Variants in NMBR observed in about 807,000 individuals in gnomAD.
NMBR encodes neuromedin B receptor, also known as neuromedin-B receptor.
NMBR carries 16 observed loss-of-function variants against 20.5 expected under a neutral mutation model. The ratio of observed to expected loss-of-function variants is 0.78; its 90% CI spans 0.53 to 1.19. NMBR has a LOEUF of 1.19. NMBR is among the 50% of genes most tolerant of loss of function. NMBR has a pLI of 0.00. For missense variants in NMBR, 582 were observed against 499.1 expected, an observed-to-expected ratio of 1.17 and a Z score of -1.58; for synonymous variants, 212 against 196.6, an observed-to-expected ratio of 1.08 and a Z score of -0.65.
At chr6:142,076,165 CATAA>C in intron 3 of NMBR, 116 bp from the exon 4 acceptor site, 3 of 730,116 alleles carry the variant, frequency 4.1e-6, no homozygotes, top group Non-Finnish European at 6.6e-6. Context: ...ATCCAAAATA[CATAA>C]ATTATTTATT....
rs367637574 is a variant in NMBR at position 142,103,392 on chromosome 6, G to A, written c.-663-14071C>T. ...TTATAAATGTTTAAATGGCCCATCA[G>A]GTAGCAGAAATGTACATAAAGTTTT... On this transcript the variant is annotated intron_variant, in intron 1 of 3. Transcript: ENST00000258042. Among the ~76,000 whole-genome samples the A allele has an allele frequency of 4.9e-4, 75 of 152,236 alleles. No individual in the cohort carries two copies. In the East Asian group the frequency reaches 0.012, roughly 25 times the overall value.
chr6:142,136,328 C>G (rs767767933), intron 1 of NMBR, among the ~76,000 whole-genome samples: 35 of 152,096 alleles, frequency 2.3e-4, no homozygotes, highest in Non-Finnish European at 4.7e-4. Context: ...CCTTTGCCCA[C>G]TTTTTGATGG....
At chr6:142,130,789 C>T (rs1361951919) in intron 1 of NMBR, among the ~76,000 whole-genome samples, 1 of 151,930 alleles carries the variant, frequency 6.6e-6, no homozygotes, top group African/African-American at 2.4e-5. Context: ...AAGACACTTT[C>T]GGCCAAGAAC....
At chr6:142,101,160 T>C (rs765343098) in intron 1 of NMBR, among the ~76,000 whole-genome samples, 4 of 152,330 alleles carry the variant, frequency 2.6e-5, no homozygotes, top group Non-Finnish European at 4.4e-5. Context: ...GATCAGCATT[T>C]GCCTTATTTG....
chr6:142,094,188 C>T (rs1190375636), intron 1 of NMBR, among the ~76,000 whole-genome samples: 3 of 151,900 alleles, frequency 2.0e-5, no homozygotes, highest in Non-Finnish European at 4.4e-5. Flanking sequence ...GCTTTTGTTG[C>T]CATTGCTTTT....
At chr6:142,079,197 GGGAA>G (rs753320241) in intron 2 of NMBR, among the ~76,000 whole-genome samples, 76 of 151,574 alleles carry the variant, frequency 5.0e-4, no homozygotes, top group African/African-American at 9.7e-4. Context: ...GAAAAGAAAA[GGGAA>G]GGAAGGAAGG....
chr6:142,088,710 G>C lies in NMBR; in HGVS notation c.-52C>G. The C allele has an allele frequency of 1.3e-6, 2 of 1,512,566 alleles. No homozygotes were observed. The highest frequency in any genetic ancestry group is 1.2e-5 in the South Asian group (1 of 83,460). 93.7% of individuals were successfully genotyped at this position (1,512,566 alleles called of 1,614,324 possible). On this transcript the variant is annotated 5_prime_UTR_variant, in exon 2 of 4. Transcript: ENST00000258042. Reference sequence around the variant, plus strand: ...GAGTTTTCACGCGCTCCGGTGCCCTGAGGACTGAACGCCCACGATTTAGGT... The same window carrying C: ...GAGTTTTCACGCGCTCCGGTGCCCTCAGGACTGAACGCCCACGATTTAGGT...
At chr6:142,127,549 G>C (rs1250266932) in intron 1 of NMBR, among the ~76,000 whole-genome samples, 1 of 151,860 alleles carries the variant, frequency 6.6e-6, no homozygotes, top group African/African-American at 2.4e-5. Flanking sequence ...TTTCAGTAGG[G>C]ATTGCATTGA....
intron 1 of NMBR, among the ~76,000 whole-genome samples, chr6:142,091,370 T>C (rs1345986554): frequency 6.6e-6 from 1 of 152,118 alleles, no homozygotes; most frequent in Non-Finnish European, 1.5e-5. Context: ...ACCGCAAGTG[T>C]GCCCCACCAT....
At chr6:142,142,641 A>G (rs759870639) in intron 1 of NMBR, among the ~76,000 whole-genome samples, 2 of 151,956 alleles carry the variant, frequency 1.3e-5, no homozygotes, top group Non-Finnish European at 2.9e-5. Context: ...CTGGAATTCA[A>G]TAAGACAAAA....
At chr6:142,140,388 C>G (rs1778345426) in intron 1 of NMBR, among the ~76,000 whole-genome samples, 1 of 151,682 alleles carries the variant, frequency 6.6e-6, no homozygotes, top group South Asian at 2.1e-4. Flanking sequence ...AAATATAAAA[C>G]AACCAGTTTA....
chr6:142,136,052 G>A (rs1248141351), intron 1 of NMBR, among the ~76,000 whole-genome samples: 6 of 152,110 alleles, frequency 3.9e-5, no homozygotes, highest in South Asian at 2.1e-4. Flanking sequence ...CTAGTTCTAG[G>A]TCCCTGAGGA....
chr6:142,091,552 T>A (rs1053742415), intron 1 of NMBR, among the ~76,000 whole-genome samples: 12 of 152,192 alleles, frequency 7.9e-5, no homozygotes, highest in African/African-American at 2.4e-4. Flanking sequence ...GTATTCAATA[T>A]GTCATATACC....
chr6:142,097,085 T>G (rs1044939233), intron 1 of NMBR, among the ~76,000 whole-genome samples: 3 of 152,108 alleles, frequency 2.0e-5, no homozygotes, highest in Admixed American at 6.6e-5. Context: ...TGAGATGGGT[T>G]TCCTGAATAC....
In NMBR at chr6:142,088,701, C is replaced by T. The variant is rs373601964; in HGVS notation, c.-43G>A. The T allele has an allele frequency of 2.9e-4, 443 of 1,553,726 alleles. 1 individual carries two copies. Among genetic ancestry groups the T allele is most frequent in the Non-Finnish European group, 3.7e-4 (429 of 1,150,520 alleles). Reference sequence around the variant, plus strand: ...AGTCCGCTGGAGTTTTCACGCGCTCCGGTGCCCTGAGGACTGAACGCCCAC... The same window carrying T: ...AGTCCGCTGGAGTTTTCACGCGCTCTGGTGCCCTGAGGACTGAACGCCCAC... On this transcript the variant is annotated 5_prime_UTR_variant, in exon 2 of 4. Transcript: ENST00000258042.
intron 1 of NMBR, among the ~76,000 whole-genome samples, chr6:142,132,895 G>A (rs1439434201): frequency 2.6e-5 from 4 of 152,108 alleles, no homozygotes; most frequent in Non-Finnish European, 5.9e-5. Flanking sequence ...TGCTGACAGT[G>A]TAAGTCAAGG....
Position 142,088,883 on chromosome 6 carries a change from GCTAA to G in NMBR, c.-229_-226del. 2.2e-6 allele frequency: 1 copy of G among 464,424 alleles called. No homozygotes were observed. The highest frequency in any genetic ancestry group is 3.7e-5 in the Admixed American group (1 of 27,136). 28.8% of individuals were successfully genotyped at this position (464,424 alleles called of 1,614,324 possible). ...CTTCTAGAGGGGGGAAATGGCTCCG[GCTAA>G]CTCTGAATTTAAATTAAAAAAAAAA... On this transcript the variant is annotated 5_prime_UTR_variant, in exon 2 of 4. Coordinates refer to ENST00000258042, the MANE Select transcript of NMBR (RefSeq NM_002511.4).
At chr6:142,109,228 C>G (rs1206783059) in intron 1 of NMBR, among the ~76,000 whole-genome samples, 3 of 152,140 alleles carry the variant, frequency 2.0e-5, no homozygotes, top group African/African-American at 7.2e-5. Context: ...GCCCCCTTCT[C>G]ATAGTTCCAT....
At position 142,075,798 on chromosome 6, in the gene NMBR, A is replaced by G. The variant is rs1245517618; in HGVS notation, c.1023T>C (p.Cys341=). The change falls in exon 4 of 4, where the codon TGT becomes TGC. Residue 341 remains cysteine, a synonymous_variant. Transcript: ENST00000258042. ...CTCTCTCTTGATAGGACTTCCTCCC[A>G]CAGCAGAGTTGGCTGTTGAAATGCC... ...FRRHFNSQLC[C]GRKSYQERGT... 3 of 1,613,980 alleles carry G rather than the reference A, an allele frequency of 1.9e-6. No homozygotes were observed. Among genetic ancestry groups the G allele is most frequent in the African/African-American group, 1.3e-5 (1 of 74,928 alleles).
Sources: gnomAD v4.1 joint callset for allele counts (sites outside exome capture counted in the v4.1 genomes callset) on GRCh38, gnomAD v4.1.1 for gene constraint, MANE v1.5 for transcripts, NCBI Gene and HGNC (gene_info 2026-07-23, HGNC 2026-07-21) for gene names.